RBMS3: variants seen among roughly 807,000 people sequenced by gnomAD.
RBMS3 encodes the protein RNA binding motif single stranded interacting protein 3, also known as RNA-binding motif, single-stranded-interacting protein 3.
A neutral mutation model predicts 66.8 loss-of-function variants in RBMS3; 27 were observed. That is an observed-to-expected ratio of 0.40 (90% CI 0.30 to 0.56). The LOEUF is 0.56. Ranked by LOEUF, RBMS3 falls within the 20% of genes least tolerant of loss-of-function variation. The pLI, the probability that RBMS3 is intolerant of heterozygous loss-of-function variation, is 0.40. For missense variants in RBMS3, 513 were observed against 549.5 expected (o/e 0.93, Z 0.66); for synonymous variants, 188 against 183.0 (o/e 1.03, Z -0.22).
At chr3:29,720,921 T>G (rs1033703079) in intron 4 of RBMS3, among the ~76,000 whole-genome samples, 2 of 152,136 alleles carry the variant, frequency 1.3e-5, no homozygotes, top group African/African-American at 4.8e-5. Flanking sequence ...TAAATGATGC[T>G]TTTAAACCAA....
chr3:29,586,249 G>T (rs374445886), intron 3 of RBMS3, among the ~76,000 whole-genome samples: 3 of 152,166 alleles, frequency 2.0e-5, no homozygotes, highest in South Asian at 4.1e-4. Flanking sequence ...TAACATTACT[G>T]TTAGGCTAAG....
intron 4 of RBMS3, among the ~76,000 whole-genome samples, chr3:29,597,042 T>G (rs1258003393): frequency 1.3e-5 from 2 of 152,184 alleles, no homozygotes; most frequent in Non-Finnish European, 2.9e-5. Flanking sequence ...TGGGACAAGA[T>G]GGACATCTTT....
intron 5 of RBMS3, among the ~76,000 whole-genome samples, chr3:29,744,029 C>T (rs1277599289): frequency 6.6e-6 from 1 of 151,576 alleles, no homozygotes; most frequent in Non-Finnish European, 1.5e-5. Flanking sequence ...ATTTGCATTT[C>T]TAACAAGTTT....
intron 4 of RBMS3, among the ~76,000 whole-genome samples, chr3:29,701,846 G>C (rs1294097736): frequency 1.3e-5 from 2 of 151,658 alleles, no homozygotes; most frequent in Non-Finnish European, 2.9e-5. Flanking sequence ...CGCGCAGCCG[G>C]AGTCTCACCG....
chr3:29,745,702 C>T (rs1001037326), intron 5 of RBMS3, among the ~76,000 whole-genome samples: 3 of 152,214 alleles, frequency 2.0e-5, no homozygotes, highest in South Asian at 2.1e-4. Context: ...AGCTAAAGAG[C>T]GTGAGAGACC....
chr3:29,281,287 CGGAGTTGTGCTAAA>C lies in RBMS3; in HGVS notation c.-394_-381del, dbSNP rs1029483177. 6.0e-6 allele frequency: 1 copy of C among 167,966 alleles called. No individual in the cohort carries two copies. The highest frequency in any genetic ancestry group is 2.8e-5 in the African/African-American group (1 of 35,842). 10.4% of individuals were successfully genotyped at this position (167,966 alleles called of 1,614,324 possible). On this transcript the variant is annotated 5_prime_UTR_variant, in exon 1 of 15. Coordinates refer to ENST00000383767, the MANE Select transcript of RBMS3 (RefSeq NM_001003793.3). ...GACAGGAAGCTGATCTGCAAGGATT[CGGAGTTGTGCTAAA>C]AGGACTTTGATTTTTTTCCCCCTTT...
intron 1 of RBMS3, among the ~76,000 whole-genome samples, chr3:29,304,214 T>G (rs1258361910): frequency 6.6e-6 from 1 of 152,018 alleles, no homozygotes; most frequent in Non-Finnish European, 1.5e-5. Flanking sequence ...TGCTGTCATT[T>G]TTGGGTTTCA....
chr3:29,869,259 T>C (rs1361922411), intron 7 of RBMS3, among the ~76,000 whole-genome samples: 9 of 152,212 alleles, frequency 5.9e-5, no homozygotes, highest in African/African-American at 2.2e-4. Flanking sequence ...TTTCTATTTG[T>C]GTAATAGCTA....
chr3:29,782,485 A>G (rs910455230), intron 6 of RBMS3, among the ~76,000 whole-genome samples: 2 of 152,232 alleles, frequency 1.3e-5, no homozygotes, highest in African/African-American at 2.4e-5. Flanking sequence ...TAGGAGGAGA[A>G]CACCACATCA....
At chr3:29,779,514 G>A (rs536079625) in intron 6 of RBMS3, among the ~76,000 whole-genome samples, 2 of 151,298 alleles carry the variant, frequency 1.3e-5, no homozygotes, top group Non-Finnish European at 3.0e-5. Context: ...TGAAGAGAAA[G>A]TGTCTTGCTA....
At chr3:29,947,641 A>C in intron 12 of RBMS3, among the ~76,000 whole-genome samples, 1 of 151,420 alleles carries the variant, frequency 6.6e-6, no homozygotes, top group Non-Finnish European at 1.5e-5. Context: ...GCAGGAATCT[A>C]TTCTCCTTTT....
chr3:29,339,981 G>T (rs866985350), intron 1 of RBMS3, among the ~76,000 whole-genome samples: 1 of 152,004 alleles, frequency 6.6e-6, no homozygotes, highest in Non-Finnish European at 1.5e-5. Context: ...AAGGGAAAAC[G>T]TTGTGCAAAA....
chr3:29,539,223 C>CA (rs780354168), intron 3 of RBMS3, among the ~76,000 whole-genome samples: 2 of 151,848 alleles, frequency 1.3e-5, no homozygotes, highest in Admixed American at 6.6e-5. Flanking sequence ...ATTGTCGATG[C>CA]AAAAAAATAA....
At chr3:29,979,182 C>T (rs1697803938) in intron 12 of RBMS3, among the ~76,000 whole-genome samples, 1 of 151,994 alleles carries the variant, frequency 6.6e-6, no homozygotes, top group Non-Finnish European at 1.5e-5. Context: ...ACAACAACAA[C>T]AATGACAAAA....
chr3:29,978,635 G>A (rs1697758223), intron 12 of RBMS3, among the ~76,000 whole-genome samples: 1 of 151,774 alleles, frequency 6.6e-6, no homozygotes. Flanking sequence ...TGAATATAAA[G>A]TGAAGGTTAA....
chr3:29,586,022 G>C (rs779730654), intron 3 of RBMS3, among the ~76,000 whole-genome samples: 2 of 152,024 alleles, frequency 1.3e-5, no homozygotes, highest in Non-Finnish European at 2.9e-5. Context: ...GGGGTGAGAG[G>C]AGGTGTCACA....
intron 3 of RBMS3, among the ~76,000 whole-genome samples, chr3:29,490,389 T>C (rs1336236831): frequency 6.6e-6 from 1 of 152,124 alleles, no homozygotes. Context: ...ATGAAAGTTT[T>C]TAAAGGTAGA....
At chr3:29,281,921 A>G (rs765683948) in intron 1 of RBMS3, among the ~76,000 whole-genome samples, 165 bp downstream of exon 1, 2 of 152,204 alleles carry the variant, frequency 1.3e-5, no homozygotes, top group Non-Finnish European at 2.9e-5. Flanking sequence ...AGAGGAAGAC[A>G]TAAGAAGAAA....
chr3:29,634,049 A>G, intron 4 of RBMS3, among the ~76,000 whole-genome samples: 1 of 151,920 alleles, frequency 6.6e-6, no homozygotes, highest in East Asian at 1.9e-4. Flanking sequence ...AGATGTTTAT[A>G]TCATCAGAAT....
Sources: gnomAD v4.1 joint callset for allele counts (sites outside exome capture counted in the v4.1 genomes callset) on GRCh38, gnomAD v4.1.1 for gene constraint, MANE v1.5 for transcripts, NCBI Gene and HGNC (gene_info 2026-07-23, HGNC 2026-07-21) for gene names.